SEMA3A: variants seen among roughly 807,000 people sequenced by gnomAD.
The protein encoded by SEMA3A is semaphorin 3A.
SEMA3A carries 29 observed loss-of-function variants against 97.9 expected under a neutral mutation model. The observed-to-expected ratio is 0.30, with a 90% CI of 0.22 to 0.40. The LOEUF (loss-of-function observed/expected upper bound fraction) is 0.40. Ranked by LOEUF, SEMA3A falls within the 10% of genes least tolerant of loss-of-function variation. The pLI is 1.00. For missense variants in SEMA3A, 763 were observed against 951.3 expected, an observed-to-expected ratio of 0.80 and a Z score of 2.60; for synonymous variants, 321 against 323.7, an observed-to-expected ratio of 0.99 and a Z score of 0.09.
At chr7:84,077,225 T>C (rs1380820970) in intron 4 of SEMA3A, among the ~76,000 whole-genome samples, 2 of 152,212 alleles carry the variant, frequency 1.3e-5, no homozygotes. Flanking sequence ...AATAGAACAA[T>C]TGACTTGATC....
In SEMA3A at chr7:84,051,922, G is replaced by C. The variant is rs879570149; in HGVS notation, c.548-5479C>G. On this transcript the variant is annotated intron_variant, in intron 5 of 16. Coordinates refer to ENST00000265362, the MANE Select transcript of SEMA3A (RefSeq NM_006080.3). The stretch of plus-strand genomic sequence containing the variant: ...TTTATTGAGAGTTTTTAGCATGAAG[G>C]GTTGTTGAATTTTGTCAAAGGCCTT... 5.9e-3 allele frequency among the ~76,000 whole-genome samples: 878 copies of C among 149,674 alleles called. 6 individuals are homozygous for C. Among genetic ancestry groups the C allele is most frequent in the Middle Eastern group, 0.021 (6 of 290 alleles).
At position 84,385,840 on chromosome 7, in the gene SEMA3A, C is replaced by G. The variant is rs539580347; in HGVS notation, c.-245-13940G>C. The stretch of plus-strand genomic sequence containing the variant: ...CTATAAAACAATTATTTTTCCAACA[C>G]TGAAAAGCTCTGCATTGGACTTTTC... On this transcript the variant is annotated intron_variant, in intron 1 of 3. Transcript: ENST00000424555. Among the ~76,000 whole-genome samples, 13 of 152,316 alleles carry G rather than the reference C, an allele frequency of 8.5e-5. 1 individual carries two copies. The South Asian group carries it at 2.7e-3, about 32-fold the overall frequency.
chr7:84,415,018 C>T (rs948411590), intron 1 of SEMA3A, among the ~76,000 whole-genome samples: 2 of 151,802 alleles, frequency 1.3e-5, no homozygotes, highest in Non-Finnish European at 2.9e-5. Context: ...AATAAGGGAA[C>T]CAGTAAGATA....
intron 13 of SEMA3A, 145 bp downstream of exon 13, chr7:83,985,291 C>T (rs908837417): frequency 3.4e-6 from 2 of 584,640 alleles, no homozygotes; most frequent in Non-Finnish European, 3.0e-6. Context: ...AATCTACTAG[C>T]TTATTGTAAG....
chr7:84,030,817 T>C (rs1313980635), intron 6 of SEMA3A, among the ~76,000 whole-genome samples: 4 of 152,176 alleles, frequency 2.6e-5, no homozygotes, highest in East Asian at 1.9e-4. Context: ...AGAAAAACAA[T>C]GATTTTATCT....
intron 3 of SEMA3A, among the ~76,000 whole-genome samples, chr7:84,222,279 T>A (rs1425590960): frequency 1.3e-5 from 2 of 151,956 alleles, no homozygotes; most frequent in Non-Finnish European, 1.5e-5. Context: ...ATTATAAATA[T>A]CATGTCCTAT....
chr7:84,267,490 A>G (rs1284266859), intron 3 of SEMA3A, among the ~76,000 whole-genome samples: 1 of 152,152 alleles, frequency 6.6e-6, no homozygotes, highest in African/African-American at 2.4e-5. Flanking sequence ...CCAGCAAAGT[A>G]TAAATATGAT....
At chr7:84,310,694 C>T (rs141066599) in intron 2 of SEMA3A, among the ~76,000 whole-genome samples, 52 of 152,056 alleles carry the variant, frequency 3.4e-4, no homozygotes, top group East Asian at 2.1e-3. Flanking sequence ...TTTCATTAAG[C>T]CATGATTTAC....
intron 2 of SEMA3A, among the ~76,000 whole-genome samples, chr7:84,313,217 T>A (rs1310111768): frequency 6.9e-6 from 1 of 145,278 alleles, no homozygotes; most frequent in African/African-American, 2.5e-5. Flanking sequence ...AGTTCCAAAT[T>A]TAAAATATTT....
At chr7:84,329,383 A>G (rs2115941803) in intron 2 of SEMA3A, among the ~76,000 whole-genome samples, 1 of 152,168 alleles carries the variant, frequency 6.6e-6, no homozygotes, top group East Asian at 1.9e-4. Flanking sequence ...TCACCACATT[A>G]TGCCGGTTTA....
intron 2 of SEMA3A, among the ~76,000 whole-genome samples, chr7:84,339,272 G>A (rs1205906855): frequency 6.6e-6 from 1 of 152,146 alleles, no homozygotes; most frequent in Non-Finnish European, 1.5e-5. Context: ...CACAATAAGG[G>A]AGATCAGACT....
At chr7:83,998,071 C>A (rs751922828) in intron 12 of SEMA3A, among the ~76,000 whole-genome samples, 10 of 151,364 alleles carry the variant, frequency 6.6e-5, no homozygotes, top group Non-Finnish European at 1.2e-4. Flanking sequence ...ATAGCTATCA[C>A]AGGTATAAGT....
chr7:84,409,235 G>T (rs1228674302), intron 1 of SEMA3A, among the ~76,000 whole-genome samples: 1 of 151,330 alleles, frequency 6.6e-6, no homozygotes, highest in African/African-American at 2.4e-5. Flanking sequence ...TGAGGTGATG[G>T]ATATTTTAAT....
intron 4 of SEMA3A, among the ~76,000 whole-genome samples, chr7:84,074,454 T>C (rs1038202939): frequency 9.2e-5 from 14 of 152,102 alleles, no homozygotes; most frequent in African/African-American, 2.7e-4. Context: ...GAAAGTATAA[T>C]TTTCTGCCTT....
chr7:84,103,594 CTAAGTT>C (rs1187795581), intron 4 of SEMA3A, among the ~76,000 whole-genome samples: 3 of 152,036 alleles, frequency 2.0e-5, no homozygotes, highest in Non-Finnish European at 1.5e-5. Context: ...GAAATTCAGT[CTAAGTT>C]TGTTATGCTA....
chr7:84,366,996 A>C (rs60694347), intron 2 of SEMA3A, among the ~76,000 whole-genome samples: 2,577 of 151,304 alleles, frequency 0.017, 94 homozygotes, highest in East Asian at 0.15. Context: ...AAAAAAAAAA[A>C]ACCTTAATTT....
At chr7:84,208,370 T>C (rs1349766279) in intron 3 of SEMA3A, among the ~76,000 whole-genome samples, 1 of 150,830 alleles carries the variant, frequency 6.6e-6, no homozygotes, top group Non-Finnish European at 1.5e-5. Flanking sequence ...GAGAATGGCG[T>C]GAACCCGGGA....
chr7:84,423,629 A>ATGTTCATT (rs1267077224), intron 1 of SEMA3A, among the ~76,000 whole-genome samples: 2 of 152,042 alleles, frequency 1.3e-5, no homozygotes, highest in Non-Finnish European at 2.9e-5. Context: ...ATCTATCTAT[A>ATGTTCATT]TGTTCATTTG....
Position 84,086,768 on chromosome 7 carries a change from A to G in SEMA3A, c.453+23702T>C, listed in dbSNP as rs77190122. On this transcript the variant is annotated intron_variant, in intron 4 of 16. Transcript: ENST00000265362. ...TATTTTTTTCCACACTCACCTTTCA[A>G]GTATTGGCTGTGATTACATCAGCTA... Among the ~76,000 whole-genome samples, 1,164 of 150,498 alleles carry G rather than the reference A, an allele frequency of 7.7e-3. 17 individuals carry two copies. The highest frequency in any genetic ancestry group is 0.027 in the African/African-American group (1,123 of 40,926).
Sources: allele counts gnomAD v4.1 joint callset (sites outside exome capture counted in the v4.1 genomes callset), GRCh38; gene constraint gnomAD v4.1.1; transcripts MANE v1.5; gene names NCBI Gene and HGNC (gene_info 2026-07-23, HGNC 2026-07-21).